The following DDC variants were observed in gnomAD, a reference collection of about 807,000 sequenced individuals.
DDC encodes dopa decarboxylase, also known as aromatic-L-amino-acid decarboxylase.
In DDC, 43 loss-of-function variants were observed where a neutral mutation model predicts 60.0. The ratio of observed to expected loss-of-function variants is 0.72; its 90% CI spans 0.56 to 0.92. The LOEUF (loss-of-function observed/expected upper bound fraction) is 0.92. Ranked by LOEUF, DDC falls within the 40% of genes least tolerant of loss-of-function variation. The pLI, the probability that DDC is intolerant of heterozygous loss-of-function variation, is 0.00. For synonymous variants in DDC, 232 were observed against 234.6 expected (o/e 0.99, Z 0.10); for missense variants, 573 against 620.2 (o/e 0.92, Z 0.81).
chr7:50,563,072 C>G lies in DDC; in HGVS notation c.-29+2213G>C, dbSNP rs1351700959. 2.0e-5 allele frequency among the ~76,000 whole-genome samples: 3 copies of G among 150,600 alleles called. No homozygotes were observed. In the East Asian group the frequency reaches 5.9e-4, roughly 30 times the overall value. On this transcript the variant is annotated intron_variant, in intron 1 of 14. Coordinates refer to ENST00000444124, the MANE Select transcript of DDC (RefSeq NM_001082971.2). The stretch of plus-strand genomic sequence containing the variant: ...ATTCCAGCTACTCAGGAGGCTGAGG[C>G]AGGAGAACTGCTTGAACTTGAGAGG...
rs896548092 is a variant in DDC, at chr7:50,522,244, A to G, written c.714+5893T>C. On this transcript the variant is annotated intron_variant, in intron 6 of 14. Transcript: ENST00000444124. ...TGAGCTTTATATGAGGAAAACTACAATACTCTAATGAAGAAAATTTTTTAA... is the reference window on the plus strand; with the variant it reads ...TGAGCTTTATATGAGGAAAACTACAGTACTCTAATGAAGAAAATTTTTTAA... 4.6e-5 allele frequency among the ~76,000 whole-genome samples: 7 copies of G among 152,164 alleles called. No homozygotes were observed. In the South Asian group the frequency reaches 6.2e-4, roughly 13 times the overall value.
chr7:50,565,129 C>G (rs2045400915), intron 1 of DDC, among the ~76,000 whole-genome samples, 156 bp downstream of exon 1: 2 of 152,206 alleles, frequency 1.3e-5, no homozygotes, highest in African/African-American at 4.8e-5. Flanking sequence ...AACAAAAACC[C>G]CTGCCAGCCT....
At chr7:50,540,628 C>G (rs377034470) in intron 2 of DDC, among the ~76,000 whole-genome samples, 25 of 152,244 alleles carry the variant, frequency 1.6e-4, no homozygotes, top group Admixed American at 6.5e-5. Flanking sequence ...CTGGATCACC[C>G]CACAGATGTC....
chr7:50,510,216 C>T (rs912656022), intron 6 of DDC, among the ~76,000 whole-genome samples: 2 of 152,094 alleles, frequency 1.3e-5, no homozygotes, highest in African/African-American at 4.8e-5. Flanking sequence ...ACCTCATGAT[C>T]CGCCCACCTT....
At chr7:50,557,359 G>T (rs4452748) in intron 1 of DDC, among the ~76,000 whole-genome samples, 48,891 of 152,090 alleles carry the variant, frequency 0.32, 8,534 homozygotes, top group East Asian at 0.49. Flanking sequence ...CTGTAACCAT[G>T]CTGTGACCTT....
In DDC at chr7:50,467,886, G is replaced by A. The variant is rs544892836; in HGVS notation, c.1141-571C>T. ...CTGCCACAGCTGTTGCTCCTCCTCC[G>A]CGTTTGCCACCTAGAGCTGGGCATC... On this transcript the variant is annotated intron_variant, in intron 12 of 14. Coordinates refer to ENST00000444124, the MANE Select transcript of DDC (RefSeq NM_001082971.2). Among the ~76,000 whole-genome samples the A allele has an allele frequency of 6.3e-4, 96 of 152,340 alleles. 1 individual carries two copies. In the South Asian group the frequency reaches 0.016, roughly 25 times the overall value.
chr7:50,530,374 C>T (rs957868319), intron 4 of DDC, among the ~76,000 whole-genome samples: 5 of 152,000 alleles, frequency 3.3e-5, no homozygotes, highest in Non-Finnish European at 5.9e-5. Flanking sequence ...GGAGAGAGGC[C>T]CCAGGAGAAC....
chr7:50,530,747 G>A (rs73123247), intron 4 of DDC, among the ~76,000 whole-genome samples: 1 of 152,052 alleles, frequency 6.6e-6, no homozygotes, highest in African/African-American at 2.4e-5. Context: ...CCCATCTACC[G>A]ACCAGTATGA....
chr7:50,490,167 C>T (rs1427959163), intron 9 of DDC, among the ~76,000 whole-genome samples: 3 of 152,176 alleles, frequency 2.0e-5, no homozygotes, highest in African/African-American at 7.2e-5. Flanking sequence ...ATAAGGGTGA[C>T]CTACAGAGCT....
In DDC at chr7:50,460,411, G is replaced by A. The variant is rs918971282; in HGVS notation, c.*19-1568C>T. Reference sequence around the variant, plus strand: ...GCCGCCCCATCCGGGAGGAAGGTGGGGGGGTCAGCCCCCTGCCCGGCCAGC... The same window carrying A: ...GCCGCCCCATCCGGGAGGAAGGTGGAGGGGTCAGCCCCCTGCCCGGCCAGC... On this transcript the variant is annotated intron_variant, in intron 14 of 14. Coordinates refer to ENST00000444124, the MANE Select transcript of DDC (RefSeq NM_001082971.2). Among the ~76,000 whole-genome samples, 5 of 150,650 alleles carry A rather than the reference G, an allele frequency of 3.3e-5. No homozygotes were observed. In the East Asian group the frequency reaches 5.9e-4, roughly 18 times the overall value.
At chr7:50,473,514 T>C (rs1345660638) in intron 11 of DDC, among the ~76,000 whole-genome samples, 23 of 152,232 alleles carry the variant, frequency 1.5e-4, no homozygotes, top group Non-Finnish European at 3.4e-4. Context: ...CCATGAAACA[T>C]TGGCTGTGAA....
rs112654651 is a variant in DDC, at chr7:50,516,194, TA to T, written c.714+11942del. The stretch of plus-strand genomic sequence containing the variant: ...TAATAGGCCATAAAACAAACATCAA[TA>T]AACTTAAGAAAACTGAAATTATATC... On this transcript the variant is annotated intron_variant, in intron 6 of 14. Transcript: ENST00000444124. Among the ~76,000 whole-genome samples, 295 of 152,196 alleles carry T rather than the reference TA, an allele frequency of 1.9e-3. 2 individuals carry two copies. Among genetic ancestry groups the T allele is most frequent in the African/African-American group, 6.7e-3 (280 of 41,556 alleles).
intron 1 of DDC, among the ~76,000 whole-genome samples, chr7:50,561,828 T>A (rs2045348129): frequency 6.6e-6 from 1 of 152,152 alleles, no homozygotes; most frequent in Admixed American, 6.5e-5. Flanking sequence ...ACGAGCAGCC[T>A]GCAGGTGCCC....
chr7:50,534,423 C>G (rs773167729), intron 4 of DDC, among the ~76,000 whole-genome samples: 16 of 152,110 alleles, frequency 1.1e-4, no homozygotes, highest in Non-Finnish European at 1.9e-4. Flanking sequence ...ATGGCAAAAC[C>G]CTGTCTCTAC....
intron 4 of DDC, among the ~76,000 whole-genome samples, chr7:50,530,593 G>C (rs189328517): frequency 6.6e-6 from 1 of 152,264 alleles, no homozygotes; most frequent in East Asian, 1.9e-4. Flanking sequence ...CAGATGTGCA[G>C]AGAGGTTCAC....
chr7:50,459,929 T>TGG (rs1196772104), intron 14 of DDC, among the ~76,000 whole-genome samples: 1 of 115,134 alleles, frequency 8.7e-6, no homozygotes, highest in African/African-American at 3.7e-5. Context: ...AGGAGGGAGG[T>TGG]GGGGGGGTCA....
At chr7:50,491,688 C>T (rs1011718892) in intron 9 of DDC, among the ~76,000 whole-genome samples, 4 of 152,198 alleles carry the variant, frequency 2.6e-5, no homozygotes, top group African/African-American at 7.2e-5. Context: ...GGTAGCTACT[C>T]TATGCTCACC....
At chr7:50,553,238 C>CT (rs1229097046) in intron 1 of DDC, among the ~76,000 whole-genome samples, 3 of 152,174 alleles carry the variant, frequency 2.0e-5, no homozygotes, top group African/African-American at 7.2e-5. Flanking sequence ...ATACTGGAGA[C>CT]TTTGTTCAGC....
intron 6 of DDC, among the ~76,000 whole-genome samples, chr7:50,505,799 CTG>C (rs1563010924): frequency 6.6e-6 from 1 of 152,242 alleles, no homozygotes; most frequent in African/African-American, 2.4e-5. Flanking sequence ...GAAGGGCTCT[CTG>C]TGTCACTGAG....
Sources: allele counts gnomAD v4.1 joint callset (sites outside exome capture counted in the v4.1 genomes callset), GRCh38; gene constraint gnomAD v4.1.1; transcripts MANE v1.5; gene names NCBI Gene and HGNC (gene_info 2026-07-23, HGNC 2026-07-21).